PTPRT: variants seen among roughly 807,000 people sequenced by gnomAD.
PTPRT encodes the protein protein tyrosine phosphatase receptor type T.
A neutral mutation model predicts 176.8 loss-of-function variants in PTPRT; 56 were observed. The ratio of observed to expected loss-of-function variants is 0.32; its 90% CI spans 0.26 to 0.40. The LOEUF (loss-of-function observed/expected upper bound fraction) is 0.40. Ranked by LOEUF, PTPRT falls within the 10% of genes least tolerant of loss-of-function variation. PTPRT has a pLI of 1.00. For missense variants in PTPRT, 1,540 were observed against 1,908.2 expected, an observed-to-expected ratio of 0.81 and a Z score of 3.60; for synonymous variants, 783 against 739.0, an observed-to-expected ratio of 1.06 and a Z score of -0.96.
chr20:42,383,625 C>T (rs1233389997), intron 9 of PTPRT, among the ~76,000 whole-genome samples: 4 of 152,116 alleles, frequency 2.6e-5, no homozygotes, highest in Admixed American at 6.6e-5. Context: ...GTTACCATTA[C>T]AGCTATAATA....
At chr20:42,697,948 A>C (rs999068526) in intron 6 of PTPRT, among the ~76,000 whole-genome samples, 1 of 152,222 alleles carries the variant, frequency 6.6e-6, no homozygotes, top group Non-Finnish European at 1.5e-5. Context: ...CACATATAAC[A>C]AAGAACACAC....
intron 7 of PTPRT, among the ~76,000 whole-genome samples, chr20:42,643,263 T>C (rs1180843017): frequency 6.6e-6 from 1 of 152,160 alleles, no homozygotes; most frequent in African/African-American, 2.4e-5. Flanking sequence ...ATGGATTGTA[T>C]CATTTATTCC....
At chr20:42,057,379 G>C in the PTPRT span, among the ~76,000 whole-genome samples, 1 of 152,116 alleles carries the variant, frequency 6.6e-6, no homozygotes, top group African/African-American at 2.4e-5. Context: ...GGATCACAGG[G>C]TTTGAAGGGT....
intron 7 of PTPRT, among the ~76,000 whole-genome samples, chr20:42,572,907 TAG>T (rs1416487146): frequency 1.4e-5 from 2 of 146,084 alleles, no homozygotes; most frequent in African/African-American, 5.2e-5. Context: ...CCTCTAACAC[TAG>T]AGATAAGTTT....
At chr20:42,249,593 A>G (rs1853281488) in intron 13 of PTPRT, among the ~76,000 whole-genome samples, 1 of 152,062 alleles carries the variant, frequency 6.6e-6, no homozygotes, top group African/African-American at 2.4e-5. Context: ...TTCCCATTTT[A>G]TAGATGAGAA....
At chr20:42,149,546 C>G (rs955208001) in intron 17 of PTPRT, among the ~76,000 whole-genome samples, 16 of 151,916 alleles carry the variant, frequency 1.1e-4, no homozygotes, top group Admixed American at 8.5e-4. Flanking sequence ...GCCTCAGCCT[C>G]CTGAGTAGCT....
chr20:42,932,700 C>A (rs1979938974), intron 1 of PTPRT, among the ~76,000 whole-genome samples: 1 of 152,232 alleles, frequency 6.6e-6, no homozygotes, highest in African/African-American at 2.4e-5. Flanking sequence ...CAGCACCAGC[C>A]CAGGCTCTGG....
At chr20:43,090,910 C>T (rs2011817678) in intron 1 of PTPRT, among the ~76,000 whole-genome samples, 1 of 152,114 alleles carries the variant, frequency 6.6e-6, no homozygotes, top group Non-Finnish European at 1.5e-5. Context: ...CCATCAAGTG[C>T]CGAACAGGAT....
intron 2 of PTPRT, among the ~76,000 whole-genome samples, chr20:42,854,338 GT>G (rs2078526312): frequency 1.3e-5 from 2 of 152,220 alleles, no homozygotes; most frequent in Non-Finnish European, 2.9e-5. Flanking sequence ...TTCACGCATG[GT>G]TTAAGGAGGC....
chr20:43,153,438 T>C (rs1600753544), intron 1 of PTPRT, among the ~76,000 whole-genome samples: 1 of 152,242 alleles, frequency 6.6e-6, no homozygotes, highest in Non-Finnish European at 1.5e-5. Context: ...ATTGTTCTTA[T>C]GTTTACCCTT....
intron 12 of PTPRT, among the ~76,000 whole-genome samples, chr20:42,283,363 A>AGTT (rs2057172753): frequency 6.6e-6 from 1 of 152,138 alleles, no homozygotes; most frequent in South Asian, 2.1e-4. Context: ...CAAGTATGTG[A>AGTT]GTTGCTGAAC....
chr20:42,315,540 T>C (rs1336018375), intron 12 of PTPRT, among the ~76,000 whole-genome samples, 183 bp downstream of exon 12: 2 of 152,216 alleles, frequency 1.3e-5, no homozygotes, highest in African/African-American at 4.8e-5. Flanking sequence ...AAAACAGCCA[T>C]AGACAGTATG....
intron 9 of PTPRT, among the ~76,000 whole-genome samples, chr20:42,428,109 C>T (rs1351987649): frequency 6.6e-6 from 1 of 152,216 alleles, no homozygotes; most frequent in Non-Finnish European, 1.5e-5. Flanking sequence ...AAAACCACTA[C>T]ATTGGGAATT....
intron 8 of PTPRT, among the ~76,000 whole-genome samples, chr20:42,461,896 A>C (rs2071027014): frequency 6.6e-6 from 1 of 151,728 alleles, no homozygotes; most frequent in South Asian, 2.1e-4. Context: ...CTTTTTAAAG[A>C]TGGGAGAAAT....
At chr20:42,118,687 G>T (rs766725723) in intron 20 of PTPRT, among the ~76,000 whole-genome samples, 187 bp from the exon 21 acceptor site, 17 of 152,108 alleles carry the variant, frequency 1.1e-4, no homozygotes, top group Non-Finnish European at 1.2e-4. Flanking sequence ...ACAGATTAGG[G>T]TATGGATGGG....
intron 1 of PTPRT, among the ~76,000 whole-genome samples, chr20:43,132,929 G>A (rs2013693649): frequency 2.0e-5 from 3 of 152,202 alleles, no homozygotes; most frequent in African/African-American, 4.8e-5. Context: ...TAAAGGAAAA[G>A]GTAAAGTGTT....
At chr20:42,252,295 C>T (rs1011573608) in intron 13 of PTPRT, among the ~76,000 whole-genome samples, 1 of 152,016 alleles carries the variant, frequency 6.6e-6, no homozygotes, top group Non-Finnish European at 1.5e-5. Context: ...GTCAAAAATG[C>T]GATCTGGAGC....
chr20:42,553,768 G>T (rs2072811971), intron 7 of PTPRT, among the ~76,000 whole-genome samples: 2 of 152,108 alleles, frequency 1.3e-5, no homozygotes, highest in African/African-American at 4.8e-5. Context: ...GGGGCAGCCA[G>T]GACTGGGTTG....
intron 1 of PTPRT, among the ~76,000 whole-genome samples, chr20:42,891,933 CCT>C (rs1568664215): frequency 6.6e-6 from 1 of 152,196 alleles, no homozygotes; most frequent in Admixed American, 6.5e-5. Context: ...AGTCACACAG[CCT>C]CTGTCACAAC....
Sources: gnomAD v4.1 joint callset for allele counts (sites outside exome capture counted in the v4.1 genomes callset) on GRCh38, gnomAD v4.1.1 for gene constraint, MANE v1.5 for transcripts, NCBI Gene and HGNC (gene_info 2026-07-23, HGNC 2026-07-21) for gene names.